Variants in ELP4 observed in about 807,000 individuals in gnomAD.
The protein encoded by ELP4 is elongator acetyltransferase complex subunit 4.
In ELP4, 51 loss-of-function variants were observed where a neutral mutation model predicts 48.9. The observed-to-expected ratio is 1.04, with a 90% CI of 0.83 to 1.32. ELP4 has a LOEUF of 1.32. Among genes scored for constraint, ELP4 ranks in the 40% most tolerant of loss-of-function variants. ELP4 has a pLI of 0.00. For missense variants in ELP4, 519 were observed against 514.6 expected, an observed-to-expected ratio of 1.01 and a Z score of -0.08; for synonymous variants, 210 against 189.2, an observed-to-expected ratio of 1.11 and a Z score of -0.90.
chr11:31,515,000 CATGTGTGTGT>C, intron 1 of ELP4, among the ~76,000 whole-genome samples: 1 of 107,850 alleles, frequency 9.3e-6, no homozygotes, highest in Admixed American at 9.4e-5. Context: ...CTGCTGTATG[CATGTGTGTGT>C]GTGTGTGTGT....
At chr11:31,698,874 A>G (rs1390121571) in intron 9 of ELP4, among the ~76,000 whole-genome samples, 1 of 152,166 alleles carries the variant, frequency 6.6e-6, no homozygotes, top group Admixed American at 6.6e-5. Context: ...CAAAATACAT[A>G]TTACCATGGA....
chr11:31,598,503 CTTTTT>C (rs10702222), intron 4 of ELP4, among the ~76,000 whole-genome samples: 1 of 77,740 alleles, frequency 1.3e-5, no homozygotes, highest in Non-Finnish European at 2.2e-5. Context: ...TTTTCTTCTT[CTTTTT>C]TTTTTTTTTT....
intron 5 of ELP4, among the ~76,000 whole-genome samples, chr11:31,607,872 A>G (rs1734815258): frequency 6.6e-6 from 1 of 152,152 alleles, no homozygotes; most frequent in Admixed American, 6.5e-5. Context: ...TTTTGACTGC[A>G]TTCTGAACCA....
chr11:31,682,233 A>G (rs1386946114), intron 9 of ELP4, among the ~76,000 whole-genome samples: 1 of 152,196 alleles, frequency 6.6e-6, no homozygotes, highest in Non-Finnish European at 1.5e-5. Context: ...CTGAATGATG[A>G]AAGAGGAGGA....
chr11:31,781,696 A>C (rs1343802211), intron 9 of ELP4, among the ~76,000 whole-genome samples: 1 of 151,346 alleles, frequency 6.6e-6, no homozygotes, highest in East Asian at 1.9e-4. Flanking sequence ...ACGGGATTTC[A>C]CCATATTGGC....
chr11:31,706,534 T>C (rs1291321346), intron 9 of ELP4, among the ~76,000 whole-genome samples: 1 of 147,966 alleles, frequency 6.8e-6, no homozygotes, highest in South Asian at 2.1e-4. Flanking sequence ...TAATTTAATT[T>C]GTTTATATAT....
intron 7 of ELP4, 52 bp downstream of exon 7, chr11:31,632,457 C>T: frequency 2.1e-6 from 3 of 1,408,240 alleles, no homozygotes; most frequent in Non-Finnish European, 2.9e-6. Context: ...TATAGTATGA[C>T]ATTGTGGTTT....
rs546591756 is a variant in ELP4 at position 31,733,604 on chromosome 11, G to A, written c.1144-49789G>A. 4.6e-5 allele frequency among the ~76,000 whole-genome samples: 7 copies of A among 152,120 alleles called. No individual in the cohort carries two copies. The South Asian group carries it at 1.5e-3, about 32-fold the overall frequency. On this transcript the variant is annotated intron_variant, in intron 9 of 9. Coordinates refer to ENST00000640961, the MANE Select transcript of ELP4 (RefSeq NM_019040.5). ...TATAAGTCAACAAATTGGATCATGTGGAAAACAATGGATAAATTCCTAGAA... is the reference window on the plus strand; with the variant it reads ...TATAAGTCAACAAATTGGATCATGTAGAAAACAATGGATAAATTCCTAGAA...
At chr11:31,661,795 A>G (rs950539908) in intron 9 of ELP4, among the ~76,000 whole-genome samples, 2 of 152,134 alleles carry the variant, frequency 1.3e-5, no homozygotes, top group African/African-American at 4.8e-5. Context: ...AATATCAGCT[A>G]ATAAGATAAT....
intron 9 of ELP4, chr11:31,707,268 T>C (rs1946653917): frequency 3.0e-6 from 1 of 338,674 alleles, no homozygotes; most frequent in African/African-American, 2.1e-5. Context: ...AAATAAAACC[T>C]TACAGTTCAT....
chr11:31,778,686 T>C (rs912604662), intron 9 of ELP4, among the ~76,000 whole-genome samples: 1 of 152,192 alleles, frequency 6.6e-6, no homozygotes, highest in South Asian at 2.1e-4. Flanking sequence ...ACCAGCTGAA[T>C]TGACTTTTCT....
rs769744953 is a variant in ELP4 at position 31,594,915 on chromosome 11, C to G, written c.513+14C>G. The G allele has an allele frequency of 6.5e-7, 1 of 1,542,278 alleles. No individual in the cohort carries two copies. The highest frequency in any genetic ancestry group is 8.7e-7 in the Non-Finnish European group (1 of 1,155,082). On this transcript the variant is annotated intron_variant, in intron 4 of 9. Coordinates refer to ENST00000640961, the MANE Select transcript of ELP4 (RefSeq NM_019040.5). ...CCCAAGATGGAGGCAAGTAAACATA[C>G]AAATTCTTTCCAAAATTTGCAAATG...
At chr11:31,622,981 TATAGCTA>T (rs1423699716) in intron 5 of ELP4, among the ~76,000 whole-genome samples, 1 of 151,552 alleles carries the variant, frequency 6.6e-6, no homozygotes, top group Non-Finnish European at 1.5e-5. Context: ...ATGTTCTTTG[TATAGCTA>T]ATAGTTTTAA....
At chr11:31,548,049 T>G (rs966838809) in intron 3 of ELP4, among the ~76,000 whole-genome samples, 2 of 152,172 alleles carry the variant, frequency 1.3e-5, no homozygotes, top group African/African-American at 4.8e-5. Flanking sequence ...GGGCAAAAAC[T>G]GGAAGCATTC....
At position 31,786,988 on chromosome 11, in the gene ELP4, C is replaced by G. The variant is rs1948686912; in HGVS notation, c.*3464C>G. Reference sequence around the variant, plus strand: ...GGTGTCAAAACATCCCTGCAGATACCCCATTGATAAATATATAAATATATG... The same window carrying G: ...GGTGTCAAAACATCCCTGCAGATACGCCATTGATAAATATATAAATATATG... On this transcript the variant is annotated 3_prime_UTR_variant, in exon 10 of 10. Transcript: ENST00000640961. The G allele has an allele frequency of 4.6e-6, 1 of 217,974 alleles. No individual in the cohort carries two copies. The highest frequency in any genetic ancestry group is 9.2e-6 in the Non-Finnish European group (1 of 108,850). 13.5% of individuals were successfully genotyped at this position (217,974 alleles called of 1,614,324 possible).
At position 31,790,122 on chromosome 11, in the gene ELP4, T is replaced by TAAAAAA. The variant is rs1949392816; in HGVS notation, c.*6600_*6601insAAAAAA. ...CAAAAAAAAAAAAAAAAAAAAAAAC[T>TAAAAAA]AATACTTTCTAACATTTTTTACTGT... On this transcript the variant is annotated 3_prime_UTR_variant, in exon 10 of 10. Transcript: ENST00000640961. The TAAAAAA allele has an allele frequency of 1.7e-6, 1 of 589,218 alleles. No homozygotes were observed. Among genetic ancestry groups the TAAAAAA allele is most frequent in the African/African-American group, 2.7e-5 (1 of 36,724 alleles). 36.5% of individuals were successfully genotyped at this position (589,218 alleles called of 1,614,324 possible).
intron 9 of ELP4, among the ~76,000 whole-genome samples, chr11:31,747,033 C>CTGTG (rs34776621): frequency 2.0e-4 from 30 of 150,060 alleles, no homozygotes; most frequent in Middle Eastern, 3.5e-3. Flanking sequence ...CAGACTAACA[C>CTGTG]TGTGTGTGTG....
chr11:31,555,273 C>T (rs1045720877), intron 3 of ELP4, among the ~76,000 whole-genome samples: 1 of 151,890 alleles, frequency 6.6e-6, no homozygotes, highest in African/African-American at 2.4e-5. Flanking sequence ...TGTGACAGTT[C>T]GTTAAGTTAT....
chr11:31,688,718 T>C (rs1281825933), intron 9 of ELP4, among the ~76,000 whole-genome samples: 1 of 152,234 alleles, frequency 6.6e-6, no homozygotes, highest in Non-Finnish European at 1.5e-5. Context: ...TGCTATTATT[T>C]TACTAATATG....
Sources: allele counts gnomAD v4.1 joint callset (sites outside exome capture counted in the v4.1 genomes callset), GRCh38; gene constraint gnomAD v4.1.1; transcripts MANE v1.5; gene names NCBI Gene and HGNC (gene_info 2026-07-23, HGNC 2026-07-21).